The following TANC2 variants were observed in gnomAD, a reference collection of about 807,000 sequenced individuals.
TANC2 encodes protein TANC2.
A neutral mutation model predicts 210.5 loss-of-function variants in TANC2; 26 were observed. The observed-to-expected ratio is 0.12, with a 90% CI of 0.09 to 0.17. The LOEUF is 0.17. Ranked by LOEUF, TANC2 falls within the 10% of genes least tolerant of loss-of-function variation. The pLI is 1.00. For synonymous variants in TANC2, 931 were observed against 967.1 expected (o/e 0.96, Z 0.69); for missense variants, 2,129 against 2,608.9 (o/e 0.82, Z 4.01).
At chr17:63,397,251 G>A (rs1431792792) in intron 18 of TANC2, among the ~76,000 whole-genome samples, 1 of 151,976 alleles carries the variant, frequency 6.6e-6, no homozygotes, top group African/African-American at 2.4e-5. Context: ...CTCCAGCCTG[G>A]GCAGCAAGAG....
chr17:63,196,261 G>C (rs1322506451), intron 6 of TANC2, among the ~76,000 whole-genome samples: 2 of 152,142 alleles, frequency 1.3e-5, no homozygotes, highest in Admixed American at 6.6e-5. Context: ...ATGCTGTGCT[G>C]CTCTGTGAAT....
rs1483403376 is a variant in TANC2 at position 63,421,505 on chromosome 17, G to A, written c.5775G>A (p.Arg1925=). Reference sequence around the variant, plus strand: ...ACCCCAGTGAGCCCACCCGATCCAGGACCACACCATTCATGGGGATCATAG... The same window carrying A: ...ACCCCAGTGAGCCCACCCGATCCAGAACCACACCATTCATGGGGATCATAG... Residue 1925 remains arginine (R), a synonymous_variant, in exon 28 of 28, where the codon AGG becomes AGA. Coordinates refer to ENST00000689528, the Ensembl canonical transcript of TANC2. The surrounding 1 kb of genome is among the most constrained non-coding windows in gnomAD (Gnocchi z 6.9). 3 of 1,613,918 alleles carry A rather than the reference G, an allele frequency of 1.9e-6. No individual in the cohort carries two copies. In the Admixed American group the frequency reaches 5.0e-5, roughly 27 times the overall value.
intron 1 of TANC2, among the ~76,000 whole-genome samples, chr17:62,986,099 G>A (rs994232986): frequency 6.6e-6 from 1 of 152,202 alleles, no homozygotes. Flanking sequence ...GTAGTGTAGT[G>A]TCCATGTAGT....
intron 4 of TANC2, among the ~76,000 whole-genome samples, chr17:63,102,325 AAAAT>A (rs1195776850): frequency 5.3e-5 from 8 of 152,100 alleles, no homozygotes; most frequent in Non-Finnish European, 7.4e-5. Context: ...AAAAAAAATA[AAAAT>A]AAATAAATAA....
At chr17:63,177,982 C>T (rs1202428982) in intron 5 of TANC2, among the ~76,000 whole-genome samples, 16 of 152,218 alleles carry the variant, frequency 1.1e-4, no homozygotes. Context: ...TCTTATATTT[C>T]TTCCCTCTTC....
intron 8 of TANC2, among the ~76,000 whole-genome samples, chr17:63,266,861 T>C (rs1430076803): frequency 1.3e-5 from 2 of 152,240 alleles, no homozygotes; most frequent in Non-Finnish European, 2.9e-5. Flanking sequence ...GTTATTGTTG[T>C]TGTTGTTTGA....
intron 2 of TANC2, among the ~76,000 whole-genome samples, chr17:63,072,474 T>C (rs2036429608): frequency 6.6e-6 from 1 of 152,116 alleles, no homozygotes; most frequent in Admixed American, 6.5e-5. Context: ...AACACCTTAT[T>C]TTGTCAACAT....
At chr17:63,200,206 C>T (rs1203558339) in intron 6 of TANC2, among the ~76,000 whole-genome samples, 1 of 151,716 alleles carries the variant, frequency 6.6e-6, no homozygotes, top group Non-Finnish European at 1.5e-5. Flanking sequence ...AAATACAAAA[C>T]TAGCCAGGTG....
intron 4 of TANC2, among the ~76,000 whole-genome samples, chr17:63,105,494 A>G (rs1158081062): frequency 2.0e-5 from 3 of 151,742 alleles, no homozygotes; most frequent in Non-Finnish European, 4.4e-5. Context: ...TGTTCTTTGC[A>G]TAATAATATA....
At chr17:63,208,341 C>G (rs976879232) in intron 7 of TANC2, among the ~76,000 whole-genome samples, 6 of 152,094 alleles carry the variant, frequency 3.9e-5, no homozygotes, top group African/African-American at 1.4e-4. Context: ...AGCTTTTATT[C>G]TAGGTCTTTT....
In TANC2 at chr17:63,406,176, A is replaced by G. The variant is rs1232176889; in HGVS notation, c.3488A>G (p.His1163Arg). 1 of 1,613,774 alleles carries G rather than the reference A, an allele frequency of 6.2e-7. No individual in the cohort carries two copies. Residue 1163 changes from histidine to arginine, a missense_variant, in exon 21 of 28, where the codon CAT becomes CGT. By Grantham distance (29) the His-to-Arg change is conservative. Transcript: ENST00000689528. ...CAGATTGTTGATCTTTTACTCACCC[A>G]TGGAGCTGATGTCAACATGGCAGAC...
rs1412059577 is a variant in TANC2 at position 63,267,635 on chromosome 17, A to G, written c.1034-113A>G. 7.6e-6 allele frequency: 7 copies of G among 920,350 alleles called. No homozygotes were observed. The South Asian group carries it at 7.9e-5, about 10-fold the overall frequency. 57.0% of individuals were successfully genotyped at this position (920,350 alleles called of 1,614,324 possible). On this transcript the variant is annotated intron_variant, in intron 8 of 27. Transcript: ENST00000689528. ...ATTTTATATATATTACATATTTTGCATATATATTTTTTGGCTGGAGTAAGC... is the reference window on the plus strand; with the variant it reads ...ATTTTATATATATTACATATTTTGCGTATATATTTTTTGGCTGGAGTAAGC...
intron 19 of TANC2, among the ~76,000 whole-genome samples, chr17:63,404,152 G>A (rs2048427673): frequency 6.6e-6 from 1 of 152,138 alleles, no homozygotes; most frequent in African/African-American, 2.4e-5. Context: ...TTAAAATGAA[G>A]TATAACTCCT....
intron 2 of TANC2, among the ~76,000 whole-genome samples, chr17:63,051,368 G>A (rs1456097226): frequency 6.6e-6 from 1 of 152,196 alleles, no homozygotes; most frequent in Non-Finnish European, 1.5e-5. Flanking sequence ...TACTTGAGAA[G>A]CTGTGGCTTC....
chr17:63,337,743 G>A (rs542620108), intron 11 of TANC2, among the ~76,000 whole-genome samples: 75 of 152,018 alleles, frequency 4.9e-4, no homozygotes, highest in African/African-American at 1.7e-3. Flanking sequence ...GTACCCATTA[G>A]CTATTTTTAC....
chr17:63,255,213 T>TCC (rs1407484272), intron 8 of TANC2, among the ~76,000 whole-genome samples: 1 of 151,930 alleles, frequency 6.6e-6, no homozygotes, highest in African/African-American at 2.4e-5. Flanking sequence ...CACACCATTC[T>TCC]CCTGCCTCAG....
chr17:63,299,592 G>A (rs1188278061), intron 9 of TANC2, among the ~76,000 whole-genome samples: 2 of 145,422 alleles, frequency 1.4e-5, no homozygotes, highest in African/African-American at 5.1e-5. Context: ...TTTGCGAAGT[G>A]TCTGTTCATA....
intron 26 of TANC2, 131 bp downstream of exon 26, chr17:63,415,805 C>T: frequency 9.5e-7 from 1 of 1,050,414 alleles, no homozygotes; most frequent in Non-Finnish European, 1.4e-6. Context: ...TCACAGAGCA[C>T]TGACATTTGC....
At chr17:63,082,823 T>A (rs2036829214) in intron 3 of TANC2, among the ~76,000 whole-genome samples, 1 of 152,052 alleles carries the variant, frequency 6.6e-6, no homozygotes, top group Admixed American at 6.5e-5. Context: ...ACTGACTGAG[T>A]CCCCAGAACA....
Sources: gnomAD v4.1 joint callset for allele counts (sites outside exome capture counted in the v4.1 genomes callset) on GRCh38, gnomAD v4.1.1 for gene constraint, Gnocchi (gnomAD v3.1) non-coding constraint, MANE v1.5 for transcripts, NCBI Gene and HGNC (gene_info 2026-07-23, HGNC 2026-07-21) for gene names.